The following LRP5 variants were observed in gnomAD, a reference collection of about 807,000 sequenced individuals.
The protein encoded by LRP5 is LDL receptor related protein 5.
LRP5 carries 62 observed loss-of-function variants against 154.1 expected under a neutral mutation model. The ratio of observed to expected loss-of-function variants is 0.40; its 90% confidence interval spans 0.33 to 0.50. LRP5 has a LOEUF of 0.50. Ranked by LOEUF, LRP5 falls within the 20% of genes least tolerant of loss-of-function variation. LRP5 has a pLI of 0.55. For missense variants in LRP5, 1,915 were observed against 2,336.7 expected (o/e 0.82, Z 3.72); for synonymous variants, 966 against 1,011.5 (o/e 0.96, Z 0.85).
At chr11:68,308,278 G>GTAAC (rs1456253933), upstream of LRP5, among the ~76,000 whole-genome samples, 78 of 152,306 alleles carry the variant, frequency 5.1e-4, 1 homozygote, top group African/African-American at 1.7e-3. Context: ...TGTGCCCAGC[G>GTAAC]TAACTTCACA....
rs1233426885 is a variant in LRP5 at position 68,419,158 on chromosome 11, T to A, written c.3027+2631T>A. 2.0e-5 allele frequency among the ~76,000 whole-genome samples: 3 copies of A among 152,154 alleles called. No homozygotes were observed. The East Asian group carries it at 5.8e-4, about 29-fold the overall frequency. On this transcript the variant is annotated intron_variant, in intron 13 of 22. Transcript: ENST00000294304. The stretch of plus-strand genomic sequence containing the variant: ...TAAATTATCATCCAATTGGCCGAGG[T>A]TTTGTTTTCTATTAATTGTTTTTAT...
intron 8 of LRP5, chr11:68,404,439 G>C: frequency 2.0e-6 from 1 of 500,166 alleles, no homozygotes; most frequent in South Asian, 1.5e-5. Context: ...GGTTGACTCT[G>C]CTGCCCGTCG....
At chr11:68,319,809 A>G (rs572903313) in intron 1 of LRP5, among the ~76,000 whole-genome samples, 308 of 152,240 alleles carry the variant, frequency 2.0e-3, no homozygotes, top group Middle Eastern at 0.017. Context: ...CTGCATGTGT[A>G]TAAGTGTTTT....
rs146388120 is a variant in LRP5 at position 68,429,634 on chromosome 11, G to A, written c.3697G>A (p.Asp1233Asn). The A allele has an allele frequency of 1.4e-4, 234 of 1,614,072 alleles. No homozygotes were observed. In the South Asian group the frequency reaches 1.8e-3, roughly 12 times the overall value. ...CTCCCACATCTGTATTGCCAAGGGTGATGGGACACCACGGTGCTCATGCCC... is the reference window on the plus strand; with the variant it reads ...CTCCCACATCTGTATTGCCAAGGGTAATGGGACACCACGGTGCTCATGCCC... ...GCSHICIAKG[D>N]GTPRCSCPVH... is the part of the protein sequence containing the mutation. Residue 1233 changes from aspartate to asparagine, a missense_variant, in exon 17 of 23, where the codon GAT becomes AAT. Asp to Asn is a conservative substitution (Grantham distance 23). This residue lies in a region of LRP5 where 1,094 missense variants were observed against 1,210.1 expected (regional missense o/e 0.90). Coordinates refer to ENST00000294304, the MANE Select transcript of LRP5 (RefSeq NM_002335.4).
chr11:68,373,308 CA>C (rs1318803139), intron 5 of LRP5, among the ~76,000 whole-genome samples: 2 of 152,102 alleles, frequency 1.3e-5, no homozygotes, highest in Non-Finnish European at 2.9e-5. Context: ...AGAGGGTGGT[CA>C]CACCGGGACC....
In LRP5 at chr11:68,413,840, C is replaced by T; in HGVS notation, c.2655C>T (p.His885=). The change falls in exon 12 of 23, where the codon CAC becomes CAT. Residue 885 remains histidine (H), a synonymous_variant. Transcript: ENST00000294304. The surrounding 1 kb of genome is among the most constrained non-coding windows in gnomAD (Gnocchi z 5.1). ...GGAACCGCACCCTCATCCAGGGCCA[C>T]CTGGACTTCGTGATGGACATCCTGG... ...SGRNRTLIQG[H]LDFVMDILVF... 6.2e-7 allele frequency: 1 copy of T among 1,613,720 alleles called. No homozygotes were observed. Among genetic ancestry groups the T allele is most frequent in the Non-Finnish European group, 8.5e-7 (1 of 1,180,038 alleles).
At chr11:68,321,128 A>C (rs1215166502) in intron 1 of LRP5, among the ~76,000 whole-genome samples, 1 of 141,416 alleles carries the variant, frequency 7.1e-6, no homozygotes, top group African/African-American at 2.6e-5. Flanking sequence ...GGAGTTGTCC[A>C]ACACCTTGGT....
intron 1 of LRP5, among the ~76,000 whole-genome samples, chr11:68,329,140 T>G (rs1591180841): frequency 6.6e-6 from 1 of 152,224 alleles, no homozygotes; most frequent in Non-Finnish European, 1.5e-5. Context: ...AAGAGCAGTC[T>G]CCATGGGGTT....
the LRP5 span, among the ~76,000 whole-genome samples, chr11:68,298,757 T>G: frequency 2.6e-5 from 4 of 152,086 alleles, no homozygotes; most frequent in South Asian, 6.2e-4. Context: ...GGTGCAGACC[T>G]AAGACCTCCC....
intron 10 of LRP5, 126 bp from the exon 11 acceptor site, chr11:68,411,310 C>A: frequency 1.0e-6 from 1 of 965,080 alleles, no homozygotes. Context: ...GCTTCCTGCG[C>A]GTGGCTTTCT....
intron 7 of LRP5, among the ~76,000 whole-genome samples, chr11:68,391,681 G>T (rs893945254): frequency 2.6e-5 from 4 of 152,230 alleles, no homozygotes; most frequent in African/African-American, 9.6e-5. Context: ...GCCATTTCCT[G>T]CTGGAGCTCC....
chr11:68,386,281 C>G lies in LRP5; in HGVS notation c.1016-35C>G, dbSNP rs897889922. On this transcript the variant is annotated intron_variant, in intron 5 of 22. Transcript: ENST00000294304. The surrounding 1 kb of genome is among the most constrained non-coding windows in gnomAD (Gnocchi z 7.9). ...CCTAGACTTGTGCCTGCTGCAGGCC[C>G]TTGACCCCTGACCCCATTGCACCTG... is the stretch of plus-strand genomic sequence containing the variant. The G allele has an allele frequency of 6.2e-7, 1 of 1,607,294 alleles. No homozygotes were observed. The highest frequency in any genetic ancestry group is 8.5e-7 in the Non-Finnish European group (1 of 1,179,916).
rs2098660641 is a variant in LRP5 at position 68,413,292 on chromosome 11, C to T, written c.2504-397C>T. On this transcript the variant is annotated intron_variant, in intron 11 of 22. Coordinates refer to ENST00000294304, the MANE Select transcript of LRP5 (RefSeq NM_002335.4). The surrounding 1 kb of genome is among the most constrained non-coding windows in gnomAD (Gnocchi z 5.1). ...GCGGCCATGTGCATTGCAGCCTGGC[C>T]GTCACTCCTCGGTACGTGTTTTGGA... 2.8e-6 allele frequency: 1 copy of T among 362,532 alleles called. No homozygotes were observed. 22.5% of individuals were successfully genotyped at this position (362,532 alleles called of 1,614,324 possible). A position where few individuals can be genotyped will look rare whatever the true frequency, so the allele number is the denominator to read the frequency against.
intron 2 of LRP5, among the ~76,000 whole-genome samples, chr11:68,352,047 G>T (rs953598096): frequency 7.9e-5 from 12 of 152,164 alleles, no homozygotes; most frequent in African/African-American, 2.9e-4. Flanking sequence ...AGCAGAGGAG[G>T]TGCCAGCTCT....
intron 3 of LRP5, among the ~76,000 whole-genome samples, chr11:68,362,390 T>A (rs1345438631): frequency 6.6e-6 from 1 of 152,036 alleles, no homozygotes; most frequent in Non-Finnish European, 1.5e-5. Flanking sequence ...CACTTTAAAG[T>A]GGTAAATTTA....
intron 7 of LRP5, among the ~76,000 whole-genome samples, chr11:68,398,010 T>TGTGTG (rs1554968652): frequency 1.0e-4 from 4 of 39,592 alleles, no homozygotes; most frequent in South Asian, 1.1e-3. Context: ...GTGTGTGTGT[T>TGTGTG]TGCGTGCGCG....
chr11:68,445,756 T>A, intron 21 of LRP5: 1 of 987,742 alleles, frequency 1.0e-6, no homozygotes, highest in Non-Finnish European at 1.4e-6. Flanking sequence ...GCTGGTTGTG[T>A]GCTGCCTGGA....
At chr11:68,355,298 A>G (rs2098622300) in intron 2 of LRP5, among the ~76,000 whole-genome samples, 1 of 152,122 alleles carries the variant, frequency 6.6e-6, no homozygotes, top group South Asian at 2.1e-4. Context: ...CTGTTTCTAA[A>G]TCACTTGCTA....
chr11:68,437,089 G>C, intron 19 of LRP5, 90 bp downstream of exon 19: 1 of 1,081,052 alleles, frequency 9.3e-7, no homozygotes, highest in Non-Finnish European at 1.4e-6. Context: ...CCTTTCCAGC[G>C]GGGCTGGGGG....
Sources: allele counts gnomAD v4.1 joint callset (sites outside exome capture counted in the v4.1 genomes callset), GRCh38; gene constraint gnomAD v4.1.1; regional missense constraint gnomAD v4.1.1; non-coding constraint Gnocchi (gnomAD v3.1); transcripts MANE v1.5; gene names NCBI Gene and HGNC (gene_info 2026-07-23, HGNC 2026-07-21).